ADGRL4: variants seen among roughly 807,000 people sequenced by gnomAD.
The protein encoded by ADGRL4 is adhesion G protein-coupled receptor L4.
ADGRL4 carries 90 observed loss-of-function variants against 74.8 expected under a neutral mutation model. The ratio of observed to expected loss-of-function variants is 1.20; its 90% confidence interval spans 1.02 to 1.43. The LOEUF is 1.43. Among genes scored for constraint, ADGRL4 ranks in the 40% most tolerant of loss-of-function variants. The pLI is 0.00. For missense variants in ADGRL4, 881 were observed against 814.3 expected, an observed-to-expected ratio of 1.08 and a Z score of -1.00; for synonymous variants, 311 against 279.2, an observed-to-expected ratio of 1.11 and a Z score of -1.14.
intron 2 of ADGRL4, among the ~76,000 whole-genome samples, chr1:78,960,025 C>T (rs889151963): frequency 1.6e-4 from 25 of 152,108 alleles, no homozygotes; most frequent in African/African-American, 5.8e-4. Flanking sequence ...TTGAAGAATA[C>T]TCATTAACAA....
rs145596154 is a variant in ADGRL4, at chr1:78,991,430, C to T, written c.172+13640G>A. ...TGCAATTCTTTCTCCTGTGTAAATA[C>T]AATTAGAGTTAATATCGGTTAAATA... On this transcript the variant is annotated intron_variant, in intron 2 of 14. Transcript: ENST00000370742. Among the ~76,000 whole-genome samples the T allele has an allele frequency of 2.2e-4, 33 of 152,068 alleles. No individual in the cohort carries two copies. In the East Asian group the frequency reaches 5.6e-3, roughly 26 times the overall value.
At chr1:78,971,310 GAT>G in intron 2 of ADGRL4, among the ~76,000 whole-genome samples, 1 of 152,164 alleles carries the variant, frequency 6.6e-6, no homozygotes, top group South Asian at 2.1e-4. Flanking sequence ...TAAGTTTTAG[GAT>G]ACATGTGCAT....
chr1:78,934,233 C>A (rs7513364), intron 7 of ADGRL4, among the ~76,000 whole-genome samples: 71,895 of 151,182 alleles, frequency 0.48, 17,592 homozygotes, highest in Middle Eastern at 0.55. Context: ...GAACAGAGAC[C>A]TCAGAAATAA....
chr1:78,926,677 G>A (rs17102417), intron 8 of ADGRL4, among the ~76,000 whole-genome samples: 95,141 of 151,786 alleles, frequency 0.63, 29,796 homozygotes, highest in East Asian at 0.7. Context: ...TCAAATTAAT[G>A]AATTCCTTGG....
At chr1:78,978,325 T>A (rs1650330089) in intron 2 of ADGRL4, among the ~76,000 whole-genome samples, 1 of 151,980 alleles carries the variant, frequency 6.6e-6, no homozygotes. Flanking sequence ...TTTATTGTCA[T>A]TACTGAACTT....
intron 4 of ADGRL4, 84 bp from the exon 5 acceptor site, chr1:78,938,363 C>G: frequency 8.4e-7 from 1 of 1,189,614 alleles, no homozygotes; most frequent in Non-Finnish European, 1.1e-6. Context: ...GTTAAATTTA[C>G]CCTGAGGTTG....
intron 12 of ADGRL4, among the ~76,000 whole-genome samples, chr1:78,897,937 A>G (rs1403309664): frequency 6.6e-6 from 1 of 152,144 alleles, no homozygotes; most frequent in Non-Finnish European, 1.5e-5. Flanking sequence ...CCTTTTTCTA[A>G]CAGTGTCAAA....
chr1:78,917,595 A>C, intron 12 of ADGRL4, 39 bp downstream of exon 12: 1 of 1,360,024 alleles, frequency 7.4e-7, no homozygotes, highest in East Asian at 2.4e-5. Flanking sequence ...TATGATCATC[A>C]CTTTTTTGAA....
At chr1:78,973,651 T>C (rs1309123289) in intron 2 of ADGRL4, among the ~76,000 whole-genome samples, 5 of 146,870 alleles carry the variant, frequency 3.4e-5, no homozygotes, top group African/African-American at 1.2e-4. Flanking sequence ...TTAAATAAGA[T>C]AATCATATAT....
At chr1:78,994,887 C>T (rs886719361) in intron 2 of ADGRL4, among the ~76,000 whole-genome samples, 1 of 152,182 alleles carries the variant, frequency 6.6e-6, no homozygotes, top group Non-Finnish European at 1.5e-5. Context: ...GGATTTACTT[C>T]CTAGCTGAGA....
intron 14 of ADGRL4, 84 bp downstream of exon 14, chr1:78,891,440 C>A (rs1244018761): frequency 1.4e-6 from 2 of 1,420,938 alleles, no homozygotes; most frequent in East Asian, 2.4e-5. Flanking sequence ...AGTCATAAAT[C>A]TATGAGAGTA....
chr1:78,941,908 A>G (rs975821054), intron 3 of ADGRL4, among the ~76,000 whole-genome samples: 2 of 152,136 alleles, frequency 1.3e-5, no homozygotes, highest in Admixed American at 1.3e-4. Flanking sequence ...TCTTAAAAAG[A>G]CACCTTCTAG....
chr1:78,905,216 G>T (rs374394233), intron 12 of ADGRL4, among the ~76,000 whole-genome samples: 11 of 152,136 alleles, frequency 7.2e-5, no homozygotes, highest in African/African-American at 2.6e-4. Flanking sequence ...TTTATCATTT[G>T]TGTAAACAAT....
chr1:78,974,127 A>T (rs540609058), intron 2 of ADGRL4, among the ~76,000 whole-genome samples: 49 of 152,252 alleles, frequency 3.2e-4, no homozygotes, highest in African/African-American at 1.2e-3. Flanking sequence ...TCAAACACGC[A>T]TATAAATGTT....
rs148809610 is a variant in ADGRL4 at position 78,939,286 on chromosome 1, G to A, written c.326-28C>T. 2.9e-4 allele frequency: 445 copies of A among 1,524,660 alleles called. No individual in the cohort carries two copies. The African/African-American group carries it at 5.7e-3, about 19-fold the overall frequency. The allele number at this position is 1,524,660 out of a possible 1,614,324, so 94.4% of individuals were successfully genotyped here. ...GTAAAAAAAGAAAATAGATTATACA[G>A]TCAGTTTTAAAAAGTATTTTTCCTA... On this transcript the variant is annotated intron_variant, in intron 3 of 14. Coordinates refer to ENST00000370742, the MANE Select transcript of ADGRL4 (RefSeq NM_022159.4).
intron 2 of ADGRL4, 33 bp from the exon 3 acceptor site, chr1:78,946,459 A>G: frequency 6.5e-7 from 1 of 1,532,196 alleles, no homozygotes; most frequent in South Asian, 1.2e-5. Flanking sequence ...GATTATTTTT[A>G]TATAATTGAC....
intron 2 of ADGRL4, among the ~76,000 whole-genome samples, chr1:78,955,224 T>C (rs1368732843): frequency 6.6e-6 from 1 of 152,128 alleles, no homozygotes; most frequent in African/African-American, 2.4e-5. Flanking sequence ...TTACATGACA[T>C]TTATTTTGTG....
chr1:78,956,022 T>C (rs2100703561), intron 2 of ADGRL4, among the ~76,000 whole-genome samples: 1 of 152,326 alleles, frequency 6.6e-6, no homozygotes, highest in Admixed American at 6.5e-5. Flanking sequence ...GACTTTGAAT[T>C]ACCTTTGGTA....
chr1:78,937,580 A>G (rs1049375872), intron 6 of ADGRL4, among the ~76,000 whole-genome samples: 2 of 152,226 alleles, frequency 1.3e-5, no homozygotes, highest in Admixed American at 6.5e-5. Context: ...AGGAATCAGA[A>G]AAGGTGGATA....
Sources: allele counts gnomAD v4.1 joint callset (sites outside exome capture counted in the v4.1 genomes callset), GRCh38; gene constraint gnomAD v4.1.1; transcripts MANE v1.5; gene names NCBI Gene and HGNC (gene_info 2026-07-23, HGNC 2026-07-21).